Variants in DCAF8L2 observed in about 807,000 individuals in gnomAD.
DCAF8L2 encodes the protein DDB1- and CUL4-associated factor 8-like protein 2.
For synonymous variants in DCAF8L2, 200 were observed against 190.9 expected, an observed-to-expected ratio of 1.05 and a Z score of -0.39; for missense variants, 430 against 490.7, an observed-to-expected ratio of 0.88 and a Z score of 1.17.
chrX:27,533,188 A>G, the DCAF8L2 span, among the ~76,000 whole-genome samples: 4,023 of 18,584 alleles, frequency 0.22, 579 homozygotes, highest in East Asian at 0.42. Flanking sequence ...GAAAGAAAGA[A>G]AGAAAGAAAG....
At chrX:27,725,028 A>T (rs905456303) in intron 4 of DCAF8L2, among the ~76,000 whole-genome samples, 3 of 111,516 alleles carry the variant, frequency 2.7e-5, no homozygotes, top group East Asian at 5.5e-4. Context: ...TAATATTGTT[A>T]TGAGACTCAT....
At chrX:27,546,299 C>A in the DCAF8L2 span, among the ~76,000 whole-genome samples, 2 of 112,082 alleles carry the variant, frequency 1.8e-5, no homozygotes, top group Non-Finnish European at 3.8e-5. Context: ...TGGTCTTGGG[C>A]AGCTCTGCTC....
chrX:27,660,409 T>TG (rs1429933676), intron 2 of DCAF8L2, among the ~76,000 whole-genome samples: 1 of 106,715 alleles, frequency 9.4e-6, no homozygotes, highest in African/African-American at 3.8e-5. Flanking sequence ...GAGGTTTTTG[T>TG]GTTTTTTTTT....
chrX:27,743,826 G>A (rs1414391428), intron 4 of DCAF8L2, among the ~76,000 whole-genome samples: 3 of 108,285 alleles, frequency 2.8e-5, no homozygotes, highest in Admixed American at 1.0e-4. Context: ...TCCACCTCCC[G>A]GGCTCAAGCG....
At chrX:27,521,701 A>T in the DCAF8L2 span, among the ~76,000 whole-genome samples, 1 of 112,012 alleles carries the variant, frequency 8.9e-6, no homozygotes, top group South Asian at 3.7e-4. Context: ...CTAATGTCTT[A>T]TTTTTGACAT....
At chrX:27,470,148 G>GA in the DCAF8L2 span, among the ~76,000 whole-genome samples, 5 of 109,256 alleles carry the variant, frequency 4.6e-5, no homozygotes, top group East Asian at 2.9e-4. Context: ...AAATCATTCA[G>GA]AAAAAAAAAT....
chrX:27,727,208 T>A (rs1362065751), intron 4 of DCAF8L2, among the ~76,000 whole-genome samples: 1 of 111,604 alleles, frequency 9.0e-6, no homozygotes, highest in Non-Finnish European at 1.9e-5. Flanking sequence ...ATACTGAAAA[T>A]TTATTGTCCC....
At chrX:27,715,077 G>T (rs182545217) in intron 3 of DCAF8L2, among the ~76,000 whole-genome samples, 140 of 110,631 alleles carry the variant, frequency 1.3e-3, no homozygotes, top group African/African-American at 4.5e-3. Context: ...AATAATATTT[G>T]AGTGGAAATG....
chrX:27,494,430 TA>T, the DCAF8L2 span, among the ~76,000 whole-genome samples: 10 of 109,283 alleles, frequency 9.2e-5, no homozygotes, highest in South Asian at 3.9e-4. Context: ...AAATAAAAAT[TA>T]AAAAAAAAGA....
At chrX:27,646,983 T>C (rs1342319131) in intron 2 of DCAF8L2, among the ~76,000 whole-genome samples, 2 of 111,825 alleles carry the variant, frequency 1.8e-5, no homozygotes, top group Non-Finnish European at 3.8e-5. Flanking sequence ...AGTTCAACAA[T>C]TGTGGAAGAC....
chrX:27,546,541 A>T, the DCAF8L2 span, among the ~76,000 whole-genome samples: 1 of 112,290 alleles, frequency 8.9e-6, no homozygotes, highest in Non-Finnish European at 1.9e-5. Flanking sequence ...GAAGTTCTCC[A>T]TAAGGGGCCT....
chrX:27,748,025 C>G lies in DCAF8L2; in HGVS notation c.1130C>G (p.Ala377Gly). 8.3e-7 allele frequency: 1 copy of G among 1,211,646 alleles called. No individual in the cohort carries two copies. The highest frequency in any genetic ancestry group is 1.1e-6 in the Non-Finnish European group (1 of 895,401). Reference sequence around the variant, plus strand: ...CTGTATACAATTACTGTGAATCCCGCCAATACCTACCAATTTGCAGTGGGT... The same window carrying G: ...CTGTATACAATTACTGTGAATCCCGGCAATACCTACCAATTTGCAGTGGGT... Reference protein sequence around the residue: ...VGLYTITVNPANTYQFAVGGQ... With the variant: ...VGLYTITVNPGNTYQFAVGGQ... The change falls in exon 5 of 5, where the codon GCC (alanine) becomes GGC (glycine). Residue 377 changes from alanine (A) to glycine (G), a missense_variant. Physicochemically the swap from Ala to Gly is moderately conservative, Grantham distance 60. Transcript: ENST00000451261.
the DCAF8L2 span, among the ~76,000 whole-genome samples, chrX:27,556,075 C>T: frequency 9.0e-6 from 1 of 111,313 alleles, no homozygotes; most frequent in African/African-American, 3.3e-5. Context: ...GCTGAAACTT[C>T]ACCTTCTCCA....
chrX:27,606,341 T>TATATATATATATATA (rs766199354), intron 1 of DCAF8L2, among the ~76,000 whole-genome samples: 5 of 43,013 alleles, frequency 1.2e-4, no homozygotes, highest in Admixed American at 2.8e-4. Context: ...TATATAGGAA[T>TATATATATATATATA]TATATATATA....
intron 2 of DCAF8L2, among the ~76,000 whole-genome samples, chrX:27,646,158 A>G (rs1290200624): frequency 8.9e-6 from 1 of 112,075 alleles, no homozygotes; most frequent in Non-Finnish European, 1.9e-5. Context: ...ACCCAACTTC[A>G]AACTATATTA....
At chrX:27,677,296 G>A (rs921385482) in intron 2 of DCAF8L2, among the ~76,000 whole-genome samples, 5 of 111,644 alleles carry the variant, frequency 4.5e-5, no homozygotes, top group Admixed American at 1.9e-4. Context: ...GTTTGAAAAA[G>A]TACACATGGT....
At chrX:27,610,735 ACAAGGATTGTGGT>A (rs1927120404) in intron 1 of DCAF8L2, among the ~76,000 whole-genome samples, 2 of 112,144 alleles carry the variant, frequency 1.8e-5, no homozygotes, top group African/African-American at 6.5e-5. Context: ...ATCTAAAGCT[ACAAGGATTGTGGT>A]CCCCACTGTA....
intron 1 of DCAF8L2, among the ~76,000 whole-genome samples, chrX:27,619,654 C>G (rs1927659069): frequency 9.0e-6 from 1 of 111,718 alleles, no homozygotes; most frequent in African/African-American, 3.2e-5. Flanking sequence ...CAGCTGATCA[C>G]TACATGTTAT....
chrX:27,521,064 A>G, the DCAF8L2 span, among the ~76,000 whole-genome samples: 1 of 112,268 alleles, frequency 8.9e-6, no homozygotes, highest in Non-Finnish European at 1.9e-5. Flanking sequence ...AGTTATAAAA[A>G]CGATAATTGT....
Sources: allele counts gnomAD v4.1 joint callset (sites outside exome capture counted in the v4.1 genomes callset), GRCh38; gene constraint gnomAD v4.1.1; transcripts MANE v1.5; gene names NCBI Gene and HGNC (gene_info 2026-07-23, HGNC 2026-07-21).